Variants in SIPA1L2 observed in about 807,000 individuals in gnomAD.
SIPA1L2 encodes the protein signal induced proliferation associated 1 like 2.
In SIPA1L2, 56 loss-of-function variants were observed where a neutral mutation model predicts 163.9. That is an observed-to-expected ratio of 0.34 (90% CI 0.28 to 0.43). SIPA1L2 has a LOEUF of 0.43. Among genes scored for constraint, SIPA1L2 ranks in the 20% least tolerant of loss-of-function variants. The pLI, the probability that SIPA1L2 is intolerant of heterozygous loss-of-function variation, is 1.00. For synonymous variants in SIPA1L2, 877 were observed against 865.7 expected, an observed-to-expected ratio of 1.01 and a Z score of -0.23; for missense variants, 1,974 against 2,193.5, an observed-to-expected ratio of 0.90 and a Z score of 2.00.
At chr1:232,500,761 A>G (rs1031916463) in intron 3 of SIPA1L2, among the ~76,000 whole-genome samples, 1 of 152,236 alleles carries the variant, frequency 6.6e-6, no homozygotes, top group Non-Finnish European at 1.5e-5. Context: ...TATTGCATAA[A>G]CTTGGTAGAT....
At chr1:232,572,775 ATATATTTATTTATT>A (rs1659864551) in intron 2 of SIPA1L2, among the ~76,000 whole-genome samples, 1 of 111,048 alleles carries the variant, frequency 9.0e-6, no homozygotes, top group African/African-American at 3.2e-5. Context: ...ATATATATAT[ATATATTTATTTATT>A]TATTTTTTCC....
chr1:232,500,545 T>C (rs948502761), intron 3 of SIPA1L2, among the ~76,000 whole-genome samples: 1 of 152,178 alleles, frequency 6.6e-6, no homozygotes, highest in Non-Finnish European at 1.5e-5. Flanking sequence ...GGAGGAAGTA[T>C]TGCAGATATG....
intron 1 of SIPA1L2, among the ~76,000 whole-genome samples, chr1:232,627,484 T>G (rs4649394): frequency 0.02 from 3,068 of 151,810 alleles, 150 homozygotes; most frequent in East Asian, 0.2. Flanking sequence ...AGCTCAGGTA[T>G]CAAGGAACCC....
chr1:232,625,891 C>G (rs1663049320), intron 1 of SIPA1L2, among the ~76,000 whole-genome samples: 1 of 152,152 alleles, frequency 6.6e-6, no homozygotes. Context: ...ATCCAAATAT[C>G]AAAGAAGGGT....
At chr1:232,451,985 A>G (rs983983438) in intron 10 of SIPA1L2, among the ~76,000 whole-genome samples, 37 of 126,458 alleles carry the variant, frequency 2.9e-4, no homozygotes, top group African/African-American at 1.1e-3. Flanking sequence ...CATTCTGTAG[A>G]CCAAGAAGGT....
chr1:232,432,796 C>T (rs1008275205), intron 15 of SIPA1L2, among the ~76,000 whole-genome samples: 1 of 152,148 alleles, frequency 6.6e-6, no homozygotes. Flanking sequence ...ATATATTTGT[C>T]GGAGAAGGTG....
intron 19 of SIPA1L2, among the ~76,000 whole-genome samples, chr1:232,410,229 A>G (rs149098031): frequency 6.6e-6 from 1 of 152,282 alleles, no homozygotes; most frequent in East Asian, 1.9e-4. Context: ...AGTAGATATT[A>G]GTCTTTGGGG....
At chr1:232,476,873 A>C (rs781447368) in intron 7 of SIPA1L2, among the ~76,000 whole-genome samples, 15 of 152,224 alleles carry the variant, frequency 9.9e-5, no homozygotes, top group Non-Finnish European at 1.8e-4. Flanking sequence ...ATGGTCACCA[A>C]CTGTAGTGTA....
intron 3 of SIPA1L2, among the ~76,000 whole-genome samples, chr1:232,497,473 G>A (rs1480112879): frequency 6.6e-6 from 1 of 152,238 alleles, no homozygotes; most frequent in East Asian, 1.9e-4. Context: ...TATTCCTCAA[G>A]TCATCATCCT....
intron 10 of SIPA1L2, among the ~76,000 whole-genome samples, chr1:232,458,770 G>T (rs1399681557): frequency 6.6e-6 from 1 of 152,222 alleles, no homozygotes; most frequent in East Asian, 1.9e-4. Flanking sequence ...TACTATAAAA[G>T]AATTTTACAT....
intron 10 of SIPA1L2, among the ~76,000 whole-genome samples, 200 bp downstream of exon 10, chr1:232,460,687 A>G (rs1664186183): frequency 6.6e-6 from 1 of 152,202 alleles, no homozygotes; most frequent in Admixed American, 6.5e-5. Flanking sequence ...TTTATCATCT[A>G]TTACATATTT....
chr1:232,533,650 C>A (rs1363363560), intron 2 of SIPA1L2, among the ~76,000 whole-genome samples: 1 of 152,208 alleles, frequency 6.6e-6, no homozygotes, highest in African/African-American at 2.4e-5. Flanking sequence ...GAGGCACATA[C>A]AGATGTCCAA....
chr1:232,613,814 C>A (rs1440652047), intron 1 of SIPA1L2, among the ~76,000 whole-genome samples: 6 of 152,068 alleles, frequency 3.9e-5, no homozygotes, highest in Non-Finnish European at 7.4e-5. Context: ...GCTTTCTAAC[C>A]CACAGAACAC....
intron 3 of SIPA1L2, among the ~76,000 whole-genome samples, chr1:232,506,559 T>C (rs1174592138): frequency 6.6e-6 from 1 of 152,200 alleles, no homozygotes; most frequent in Non-Finnish European, 1.5e-5. Flanking sequence ...AACGGTTAAA[T>C]TGGTATCAAG....
At chr1:232,429,183 A>C (rs1662081834) in intron 16 of SIPA1L2, among the ~76,000 whole-genome samples, 1 of 152,238 alleles carries the variant, frequency 6.6e-6, no homozygotes, top group Non-Finnish European at 1.5e-5. Flanking sequence ...TACAGGGACA[A>C]AACTGGGGAA....
At chr1:232,494,529 A>T (rs764013494) in intron 3 of SIPA1L2, among the ~76,000 whole-genome samples, 1 of 152,178 alleles carries the variant, frequency 6.6e-6, no homozygotes, top group Non-Finnish European at 1.5e-5. Context: ...TGAAGCAAAT[A>T]CTCTATTCTG....
At chr1:232,601,298 A>G (rs1661583227) in intron 1 of SIPA1L2, among the ~76,000 whole-genome samples, 1 of 152,126 alleles carries the variant, frequency 6.6e-6, no homozygotes, top group African/African-American at 2.4e-5. Context: ...GCTAGTCTCA[A>G]TCTCCTGGGC....
At chr1:232,587,597 G>A (rs569458811) in intron 1 of SIPA1L2, among the ~76,000 whole-genome samples, 5 of 152,086 alleles carry the variant, frequency 3.3e-5, no homozygotes, top group African/African-American at 1.2e-4. Flanking sequence ...ACACAGCAAG[G>A]CAGTGGCCCC....
chr1:232,458,265 T>C (rs1478638804), intron 10 of SIPA1L2, among the ~76,000 whole-genome samples: 2 of 152,174 alleles, frequency 1.3e-5, no homozygotes, highest in Non-Finnish European at 2.9e-5. Flanking sequence ...ATTAAGAGAA[T>C]TTGCATTTAA....
Sources: allele counts gnomAD v4.1 joint callset (sites outside exome capture counted in the v4.1 genomes callset), GRCh38; gene constraint gnomAD v4.1.1; transcripts MANE v1.5; gene names NCBI Gene and HGNC (gene_info 2026-07-23, HGNC 2026-07-21).